ANGPT1: variants seen among roughly 807,000 people sequenced by gnomAD.
ANGPT1 encodes the protein angiopoietin-1.
A neutral mutation model predicts 62.2 loss-of-function variants in ANGPT1; 17 were observed. The observed-to-expected ratio is 0.27, with a 90% CI of 0.19 to 0.41. The LOEUF is 0.41. ANGPT1 is among the 10% of genes least tolerant of loss of function. The pLI is 1.00. For synonymous variants in ANGPT1, 199 were observed against 198.9 expected (o/e 1.00, Z 0.00); for missense variants, 478 against 594.9 (o/e 0.80, Z 2.04).
rs554436182 is a variant in ANGPT1 at position 107,431,676 on chromosome 8, GAATCTCCTT to G, written c.297+65577_297+65585del. On this transcript the variant is annotated intron_variant, in intron 1 of 8. Transcript: ENST00000517746. ...CAGTTCTCCCAACATACTGTCATAAGAATCTCCTTAATGCTTGTATCTACCTTCCTACCA... is the reference window on the plus strand; with the variant it reads ...CAGTTCTCCCAACATACTGTCATAAGAATGCTTGTATCTACCTTCCTACCA... Among the ~76,000 whole-genome samples, 679 of 151,868 alleles carry G rather than the reference GAATCTCCTT, an allele frequency of 4.5e-3. 2 individuals are homozygous for G. The highest frequency in any genetic ancestry group is 7.0e-3 in the Admixed American group (107 of 15,246).
intron 1 of ANGPT1, among the ~76,000 whole-genome samples, chr8:107,469,131 A>G (rs770588475): frequency 2.4e-4 from 37 of 152,182 alleles, no homozygotes; most frequent in Admixed American, 7.2e-4. Flanking sequence ...CATGTGTCAT[A>G]GGTGCTAGTG....
intron 5 of ANGPT1, among the ~76,000 whole-genome samples, chr8:107,302,600 G>A (rs1042229957): frequency 1.3e-5 from 2 of 151,960 alleles, no homozygotes; most frequent in Admixed American, 1.3e-4. Flanking sequence ...TGAAGGCATA[G>A]ATGGATGATT....
intron 3 of ANGPT1, among the ~76,000 whole-genome samples, chr8:107,328,820 A>T (rs1341954020): frequency 6.6e-6 from 1 of 151,968 alleles, no homozygotes; most frequent in Non-Finnish European, 1.5e-5. Context: ...ACTCTTAGGG[A>T]GAAGGTAAAA....
Position 107,322,118 on chromosome 8 carries a change from G to A in ANGPT1, c.586C>T (p.His196Tyr). ...TTTCCTTCCATTTCTAAGATTTTAT[G>A]TTCTAATAAACTACAAGGAAGTGAA... ...KIHEKNSLLE[H>Y]KILEMEGKHK... The change falls in exon 4 of 9, where the codon CAT becomes TAT. Residue 196 changes from histidine to tyrosine, a missense_variant. By Grantham distance (83) the His-to-Tyr change is moderately conservative. This residue lies in a region of ANGPT1 where 343 missense variants were observed against 355.4 expected (regional missense o/e 0.97). Coordinates refer to ENST00000517746, the MANE Select transcript of ANGPT1 (RefSeq NM_001146.5). 1 of 1,609,442 alleles carries A rather than the reference G, an allele frequency of 6.2e-7. No individual in the cohort carries two copies. The highest frequency in any genetic ancestry group is 8.5e-7 in the Non-Finnish European group (1 of 1,177,096).
chr8:107,272,593 A>T (rs1813762365), intron 7 of ANGPT1, among the ~76,000 whole-genome samples: 1 of 151,918 alleles, frequency 6.6e-6, no homozygotes, highest in South Asian at 2.1e-4. Context: ...AGTGTTTTGC[A>T]GTGATAGACA....
chr8:107,454,784 T>G (rs1407970982), intron 1 of ANGPT1, among the ~76,000 whole-genome samples: 1 of 152,064 alleles, frequency 6.6e-6, no homozygotes, highest in African/African-American at 2.4e-5. Flanking sequence ...TCCCTGTCCT[T>G]TAAATACATA....
At chr8:107,329,375 T>A (rs1166750361) in intron 3 of ANGPT1, among the ~76,000 whole-genome samples, 2 of 152,084 alleles carry the variant, frequency 1.3e-5, no homozygotes, top group African/African-American at 4.8e-5. Flanking sequence ...AAGTTTGTCT[T>A]ACTTGTTTTT....
At chr8:107,255,513 A>G (rs79110305) in intron 8 of ANGPT1, among the ~76,000 whole-genome samples, 2,589 of 152,318 alleles carry the variant, frequency 0.017, 33 homozygotes, top group African/African-American at 0.024. Context: ...TGCTTACTTC[A>G]TCAATAAATA....
intron 8 of ANGPT1, among the ~76,000 whole-genome samples, chr8:107,262,605 G>A (rs906310518): frequency 6.6e-6 from 1 of 152,146 alleles, no homozygotes; most frequent in African/African-American, 2.4e-5. Flanking sequence ...CGTAGTGTTG[G>A]GAAAGGAAAA....
At chr8:107,348,259 A>G (rs1815855360) in intron 1 of ANGPT1, among the ~76,000 whole-genome samples, 1 of 152,240 alleles carries the variant, frequency 6.6e-6, no homozygotes, top group African/African-American at 2.4e-5. Context: ...TTACTGATTT[A>G]GTGAACCATA....
rs868801087 is a variant in ANGPT1, at chr8:107,293,867, A to G, written c.1038+69T>C. 11 of 1,220,278 alleles carry G rather than the reference A, an allele frequency of 9.0e-6. No homozygotes were observed. In the African/African-American group the frequency reaches 1.1e-4, roughly 12 times the overall value. The allele number at this position is 1,220,278 out of a possible 1,614,324, so 75.6% of individuals were successfully genotyped here. On this transcript the variant is annotated intron_variant, in intron 6 of 8. Coordinates refer to ENST00000517746, the MANE Select transcript of ANGPT1 (RefSeq NM_001146.5). ...AAACCACCTAAAAATACCAAGATTCATCATATAGTATGGAGAAGATAACTT... is the reference window on the plus strand; with the variant it reads ...AAACCACCTAAAAATACCAAGATTCGTCATATAGTATGGAGAAGATAACTT...
At chr8:107,345,877 C>G (rs1815793726) in intron 2 of ANGPT1, among the ~76,000 whole-genome samples, 1 of 152,124 alleles carries the variant, frequency 6.6e-6, no homozygotes, top group African/African-American at 2.4e-5. Flanking sequence ...TACTTAAGTT[C>G]TTATTCAATT....
At chr8:107,414,971 G>C (rs1000175725) in intron 1 of ANGPT1, among the ~76,000 whole-genome samples, 1 of 152,130 alleles carries the variant, frequency 6.6e-6, no homozygotes, top group African/African-American at 2.4e-5. Flanking sequence ...ACACAAAACA[G>C]ATAATTACAG....
intron 6 of ANGPT1, among the ~76,000 whole-genome samples, chr8:107,290,140 C>T (rs909137533): frequency 2.0e-5 from 3 of 151,956 alleles, no homozygotes; most frequent in Admixed American, 6.6e-5. Flanking sequence ...AGTGGTAAAC[C>T]TTTCATATTG....
chr8:107,434,002 C>T (rs117739688), intron 1 of ANGPT1, among the ~76,000 whole-genome samples: 1,832 of 152,240 alleles, frequency 0.012, 18 homozygotes, highest in Middle Eastern at 0.031. Flanking sequence ...TCTTTCCTTT[C>T]CTATACTAAG....
At chr8:107,407,886 A>T (rs528261861) in intron 1 of ANGPT1, among the ~76,000 whole-genome samples, 1 of 152,136 alleles carries the variant, frequency 6.6e-6, no homozygotes, top group Non-Finnish European at 1.5e-5. Context: ...GATGACCACA[A>T]TGAGGACTGG....
intron 1 of ANGPT1, among the ~76,000 whole-genome samples, chr8:107,351,916 C>T (rs1001297151): frequency 6.6e-6 from 1 of 152,114 alleles, no homozygotes; most frequent in African/African-American, 2.4e-5. Flanking sequence ...TACAAATACG[C>T]AGTTCATTGA....
At chr8:107,306,542 G>A (rs552226579) in intron 4 of ANGPT1, among the ~76,000 whole-genome samples, 2 of 152,202 alleles carry the variant, frequency 1.3e-5, no homozygotes, top group Non-Finnish European at 2.9e-5. Context: ...GTACTGCAGA[G>A]TTCTGAAGTC....
intron 5 of ANGPT1, among the ~76,000 whole-genome samples, chr8:107,296,154 G>C (rs1443166903): frequency 3.3e-5 from 5 of 152,060 alleles, no homozygotes; most frequent in Non-Finnish European, 7.4e-5. Flanking sequence ...ACTTAAATAA[G>C]TAAAGAAAAA....
Sources: allele counts gnomAD v4.1 joint callset (sites outside exome capture counted in the v4.1 genomes callset), GRCh38; gene constraint gnomAD v4.1.1; regional missense constraint gnomAD v4.1.1; transcripts MANE v1.5; gene names NCBI Gene and HGNC (gene_info 2026-07-23, HGNC 2026-07-21).